RPUSD3: variants seen among roughly 807,000 people sequenced by gnomAD.
The protein encoded by RPUSD3 is mitochondrial mRNA pseudouridine synthase RPUSD3.
Under a neutral mutation model 35.1 loss-of-function variants are expected in RPUSD3, and 36 were observed. That is an observed-to-expected ratio of 1.02 (90% CI 0.79 to 1.35). RPUSD3 has a LOEUF of 1.35. Among genes scored for constraint, RPUSD3 ranks in the 40% most tolerant of loss-of-function variants. The probability of loss-of-function intolerance (pLI) is 0.00; values close to 1 mark genes in which losing one functional copy is unlikely to be tolerated. For missense variants in RPUSD3, 486 were observed against 441.9 expected, an observed-to-expected ratio of 1.10 and a Z score of -0.89; for synonymous variants, 202 against 187.8, an observed-to-expected ratio of 1.08 and a Z score of -0.62.
At chr3:9,843,901 G>A (rs1342863828) in exon 1 of RPUSD3, 1 of 1,604,740 alleles carries the variant, frequency 6.2e-7, no homozygotes, top group Non-Finnish European at 8.5e-7. Flanking sequence ...GGGCTTCGGT[G>A]CCAAAGCCTG....
In RPUSD3 at chr3:9,840,246, CTG is replaced by C; in HGVS notation, c.660_661del (p.His222LeufsTer59). Reference sequence around the variant, plus strand: ...GCCTGTGGCTACCACACGAAAGTGACTGAGAGTCTTCTTGACACCTTCCAGGA... The same window carrying C: ...GCCTGTGGCTACCACACGAAAGTGACAGAGTCTTCTTGACACCTTCCAGGA... On this transcript the variant is annotated frameshift_variant, in exon 7 of 9. Coordinates refer to ENST00000383820, the Ensembl canonical transcript of RPUSD3. LOFTEE classifies it high-confidence loss of function. The C allele has an allele frequency of 1.9e-6, 3 of 1,614,184 alleles. No homozygotes were observed. In the South Asian group the frequency reaches 3.3e-5, roughly 18 times the overall value.
intron 2 of RPUSD3, 195 bp downstream of exon 2, chr3:9,843,270 C>A (rs2082128992): frequency 2.8e-6 from 2 of 702,080 alleles, no homozygotes; most frequent in South Asian, 1.9e-5. Context: ...CATCTTCTCC[C>A]CACTCTTAAC....
chr3:9,842,305 G>A, intron 2 of RPUSD3, 62 bp from the exon 3 acceptor site: 2 of 1,517,448 alleles, frequency 1.3e-6, no homozygotes, highest in Admixed American at 3.3e-5. Flanking sequence ...CAGCACTAAA[G>A]AGTTTCCAGA....
chr3:9,837,857 G>A, exon 9 of RPUSD3: 1 of 690,132 alleles, frequency 1.4e-6, no homozygotes, highest in Non-Finnish European at 2.3e-6. Context: ...CATGAGGTAG[G>A]AACTTTTATT....
chr3:9,840,035 C>A (rs1384104442), intron 7 of RPUSD3, 149 bp downstream of exon 7: 3 of 959,262 alleles, frequency 3.1e-6, no homozygotes, highest in Non-Finnish European at 4.5e-6. Context: ...CGCCTGCCAC[C>A]GTGCCCAGCT....
chr3:9,843,672 C>G, intron 1 of RPUSD3, 71 bp from the exon 2 acceptor site: 2 of 1,577,010 alleles, frequency 1.3e-6, no homozygotes, highest in Non-Finnish European at 1.7e-6. Flanking sequence ...CTCCGGACGC[C>G]TCTTCCCAAA....
At chr3:9,843,970 C>T (rs1168117991) in exon 1 of RPUSD3, 2 of 1,606,632 alleles carry the variant, frequency 1.2e-6, no homozygotes, top group South Asian at 2.2e-5. Context: ...AGAACCGGCC[C>T]AAAACACGGC....
intron 4 of RPUSD3, 160 bp downstream of exon 4, chr3:9,841,823 A>G: frequency 1.6e-6 from 1 of 642,634 alleles, no homozygotes; most frequent in Non-Finnish European, 2.7e-6. Context: ...TGAGGATTTG[A>G]ACCCAGAGCC....
At chr3:9,841,010 C>T in intron 4 of RPUSD3, 2 of 407,506 alleles carry the variant, frequency 4.9e-6, no homozygotes, top group South Asian at 3.9e-5. Context: ...TGCCCCGGCC[C>T]CCAGGGAACT....
rs2082044297 is a variant in RPUSD3, at chr3:9,837,946, G to A, written c.*70C>T. 19 of 1,467,422 alleles carry A rather than the reference G, an allele frequency of 1.3e-5. No homozygotes were observed. The South Asian group carries it at 2.6e-4, about 20-fold the overall frequency. The allele number at this position is 1,467,422 out of a possible 1,614,324, so 90.9% of individuals were successfully genotyped here. Reference sequence around the variant, plus strand: ...TGGCCTGTCCAGGATGTGATCTTAGGTTTGTCTGACTGCAGAGCCCCCACC... The same window carrying A: ...TGGCCTGTCCAGGATGTGATCTTAGATTTGTCTGACTGCAGAGCCCCCACC... On this transcript the variant is annotated 3_prime_UTR_variant, in exon 9 of 9. Coordinates refer to ENST00000383820, the Ensembl canonical transcript of RPUSD3.
At chr3:9,840,902 C>T in intron 4 of RPUSD3, 97 bp from the exon 5 acceptor site, 2 of 796,092 alleles carry the variant, frequency 2.5e-6, no homozygotes, top group Non-Finnish European at 4.0e-6. Flanking sequence ...AGGCCAAACA[C>T]TAACACCAGG....
chr3:9,841,944 T>C, intron 4 of RPUSD3, 39 bp downstream of exon 4: 1 of 1,537,646 alleles, frequency 6.5e-7, no homozygotes, highest in Non-Finnish European at 9.0e-7. Context: ...CACAGATGGA[T>C]GCCTGTACTC....
chr3:9,838,008 AG>A (rs776535005), exon 9 of RPUSD3: 1 of 1,553,688 alleles, frequency 6.4e-7, no homozygotes, highest in Non-Finnish European at 8.7e-7. Flanking sequence ...TCAGGAACAG[AG>A]GGAGGACTAT....
chr3:9,840,431 G>T, intron 6 of RPUSD3, 101 bp downstream of exon 6: 1 of 1,600,070 alleles, frequency 6.2e-7, no homozygotes, highest in Non-Finnish European at 8.6e-7. Flanking sequence ...GCCTGTTTTA[G>T]GGGACAGGAG....
exon 7 of RPUSD3, chr3:9,840,306 G>A: frequency 6.2e-7 from 1 of 1,614,160 alleles, no homozygotes; most frequent in South Asian, 1.1e-5. Flanking sequence ...CACTGGAACT[G>A]TCTGTGGTGC....
In RPUSD3 at chr3:9,840,623, A is replaced by C. The variant is rs144883795; in HGVS notation, c.516-7T>G. On this transcript the variant is annotated splice_region_variant and splice_polypyrimidine_tract_variant and intron_variant, in intron 5 of 8. Coordinates refer to ENST00000383820, the Ensembl canonical transcript of RPUSD3. Reference sequence around the variant, plus strand: ...GATCCCATCAGTGACAGCACTGAGAAAGGGGCAGGAGGAGGTCACAGGGTG... The same window carrying C: ...GATCCCATCAGTGACAGCACTGAGACAGGGGCAGGAGGAGGTCACAGGGTG... 525 of 1,613,580 alleles carry C rather than the reference A, an allele frequency of 3.3e-4. No homozygotes were observed. The highest frequency in any genetic ancestry group is 4.0e-4 in the Non-Finnish European group (477 of 1,179,736).
At chr3:9,842,326 A>C in intron 2 of RPUSD3, 83 bp from the exon 3 acceptor site, 2 of 1,343,636 alleles carry the variant, frequency 1.5e-6, no homozygotes, top group African/African-American at 1.4e-5. Flanking sequence ...GCACTTTCTC[A>C]CGCATCTTAG....
At chr3:9,839,672 G>A (rs1244070525) in intron 7 of RPUSD3, 1 of 156,464 alleles carries the variant, frequency 6.4e-6, no homozygotes, top group African/African-American at 2.4e-5. Flanking sequence ...CTGTCTCCCA[G>A]GTTCAAGCGA....
At chr3:9,840,116 G>A (rs769683418) in intron 7 of RPUSD3, 68 bp downstream of exon 7, 38 of 1,566,998 alleles carry the variant, frequency 2.4e-5, no homozygotes, top group Admixed American at 3.8e-5. Flanking sequence ...TCCTGACCTC[G>A]TGATCCACCT....
Sources: gnomAD v4.1 joint callset for allele counts on GRCh38, gnomAD v4.1.1 for gene constraint, MANE v1.5 for transcripts, NCBI Gene and HGNC (gene_info 2026-07-23, HGNC 2026-07-21) for gene names.